Variants in ACYP2 observed in about 807,000 individuals in gnomAD.
ACYP2 encodes the protein acylphosphatase-2.
Under a neutral mutation model 11.2 loss-of-function variants are expected in ACYP2, and 12 were observed. The observed-to-expected ratio is 1.08, with a 90% CI of 0.69 to 1.74. The LOEUF (loss-of-function observed/expected upper bound fraction) is 1.74. Among genes scored for constraint, ACYP2 ranks in the 40% most tolerant of loss-of-function variants. ACYP2 has a pLI of 0.00. For missense variants in ACYP2, 134 were observed against 101.9 expected (o/e 1.31, Z -1.35); for synonymous variants, 43 against 32.2 (o/e 1.33, Z -1.13).
At chr2:54,084,280 T>A (rs1677827962) in intron 4 of ACYP2, among the ~76,000 whole-genome samples, 1 of 151,998 alleles carries the variant, frequency 6.6e-6, no homozygotes, top group Admixed American at 6.6e-5. Flanking sequence ...AGTATTCAGT[T>A]TATTTCTTTT....
intron 2 of ACYP2, among the ~76,000 whole-genome samples, chr2:54,005,245 G>C (rs908648120): frequency 1.3e-5 from 2 of 152,006 alleles, no homozygotes; most frequent in Non-Finnish European, 2.9e-5. Flanking sequence ...TGTATATCCA[G>C]TTACTCTAGC....
intron 2 of ACYP2, among the ~76,000 whole-genome samples, chr2:54,032,514 C>T (rs182955675): frequency 2.2e-4 from 33 of 152,216 alleles, no homozygotes; most frequent in Admixed American, 5.2e-4. Context: ...TACCATGCTG[C>T]TTTGGTTACT....
At chr2:54,293,582 T>G (rs1360051191) in intron 6 of ACYP2, among the ~76,000 whole-genome samples, 1 of 152,238 alleles carries the variant, frequency 6.6e-6, no homozygotes, top group African/African-American at 2.4e-5. Flanking sequence ...GTCACAGAGC[T>G]TGCTAAACAG....
chr2:54,267,438 G>A (rs1248802408), intron 6 of ACYP2: 2 of 1,355,342 alleles, frequency 1.5e-6, no homozygotes, highest in African/African-American at 1.5e-5. Flanking sequence ...GAAGGAGGGA[G>A]AAGGAATTGG....
At chr2:54,133,841 C>T in intron 4 of ACYP2, among the ~76,000 whole-genome samples, 1 of 152,112 alleles carries the variant, frequency 6.6e-6, no homozygotes, top group East Asian at 1.9e-4. Context: ...CACTCTAGGG[C>T]CCAGTTCTCT....
intron 6 of ACYP2, among the ~76,000 whole-genome samples, chr2:54,223,638 T>C (rs977169800): frequency 1.8e-4 from 27 of 152,222 alleles, no homozygotes; most frequent in Non-Finnish European, 2.9e-4. Flanking sequence ...TACTCTCTTA[T>C]CTTGCAAATT....
Position 54,135,450 on chromosome 2 carries a change from C to T in ACYP2, c.278-3C>T, listed in dbSNP as rs761650536. 5.0e-5 allele frequency: 81 copies of T among 1,607,274 alleles called. 2 individuals are homozygous for T. In the Admixed American group the frequency reaches 1.3e-3, roughly 25 times the overall value. ...CAATTCTTTTTATCTTTCTTTTATA[C>T]AGGTGTTTGCTTCAGAATGGTAAGT... On this transcript the variant is annotated splice_region_variant and splice_polypyrimidine_tract_variant and intron_variant, in intron 4 of 6. Transcript: ENST00000607452.
At chr2:54,266,754 C>CA (rs1337337915) in intron 6 of ACYP2, among the ~76,000 whole-genome samples, 1 of 151,438 alleles carries the variant, frequency 6.6e-6, no homozygotes. Flanking sequence ...TACAGGCTCC[C>CA]ACCACCACGC....
rs569334466 is a variant in ACYP2, at chr2:54,262,513, T to G, written c.405-42175T>G. The stretch of plus-strand genomic sequence containing the variant: ...TTGATACTACAGTAAATGAATAAGT[T>G]GGTTAATCATGGAAAATTGAAAATG... On this transcript the variant is annotated intron_variant, in intron 6 of 6. Coordinates refer to ENST00000607452, the MANE Select transcript of ACYP2 (RefSeq NM_001320586.2). 2.6e-5 allele frequency among the ~76,000 whole-genome samples: 4 copies of G among 152,300 alleles called. No homozygotes were observed. In the East Asian group the frequency reaches 7.7e-4, roughly 29 times the overall value.
chr2:54,016,043 T>G (rs1485807049), intron 2 of ACYP2, among the ~76,000 whole-genome samples: 1 of 152,154 alleles, frequency 6.6e-6, no homozygotes, highest in African/African-American at 2.4e-5. Flanking sequence ...CACAGTAAGA[T>G]GGACCTTACC....
intron 6 of ACYP2, among the ~76,000 whole-genome samples, chr2:54,180,522 G>A (rs2103867373): frequency 6.6e-6 from 1 of 152,266 alleles, no homozygotes; most frequent in South Asian, 2.1e-4. Flanking sequence ...TTCTATGCCA[G>A]AAATCTGTGA....
At chr2:54,117,526 C>T (rs1361000748) in intron 4 of ACYP2, among the ~76,000 whole-genome samples, 1 of 152,140 alleles carries the variant, frequency 6.6e-6, no homozygotes, top group African/African-American at 2.4e-5. Context: ...ATCCTGGCTT[C>T]AAGGGATCCT....
At chr2:54,004,556 G>A (rs1348221097) in intron 2 of ACYP2, among the ~76,000 whole-genome samples, 1 of 151,468 alleles carries the variant, frequency 6.6e-6, no homozygotes, top group Non-Finnish European at 1.5e-5. Flanking sequence ...GACTACAGGC[G>A]CCTGCAACCA....
intron 5 of ACYP2, among the ~76,000 whole-genome samples, chr2:54,137,707 T>C (rs144799812): frequency 0.023 from 3,491 of 152,324 alleles, 119 homozygotes; most frequent in African/African-American, 0.075. Context: ...GTTGATTCCA[T>C]GTCTTGGCTA....
At chr2:54,019,172 TCCTTCCA>T (rs2104544471) in intron 2 of ACYP2, among the ~76,000 whole-genome samples, 1 of 151,944 alleles carries the variant, frequency 6.6e-6, no homozygotes, top group East Asian at 1.9e-4. Flanking sequence ...GCTCAAGCAA[TCCTTCCA>T]CCTCAGCCTC....
At chr2:53,973,077 G>C (rs1452219972) in intron 1 of ACYP2, among the ~76,000 whole-genome samples, 1 of 152,148 alleles carries the variant, frequency 6.6e-6, no homozygotes, top group Admixed American at 6.6e-5. Context: ...AAAGCAGAGA[G>C]AGGAGGAGTT....
At chr2:53,998,568 A>G (rs1053374772) in intron 2 of ACYP2, among the ~76,000 whole-genome samples, 1 of 152,138 alleles carries the variant, frequency 6.6e-6, no homozygotes, top group Non-Finnish European at 1.5e-5. Flanking sequence ...TAATCCCAGC[A>G]CTTTGGGAGG....
chr2:54,147,101 T>C (rs1681931617), intron 6 of ACYP2, among the ~76,000 whole-genome samples: 1 of 152,174 alleles, frequency 6.6e-6, no homozygotes, highest in South Asian at 2.1e-4. Flanking sequence ...TGGCTGCTTT[T>C]TGCATTGTTT....
chr2:54,225,265 G>A (rs1322932125), intron 6 of ACYP2, among the ~76,000 whole-genome samples: 3 of 152,166 alleles, frequency 2.0e-5, no homozygotes, highest in Non-Finnish European at 4.4e-5. Flanking sequence ...CAGGCTGGGT[G>A]GAGCATGGTT....
Sources: gnomAD v4.1 joint callset for allele counts (sites outside exome capture counted in the v4.1 genomes callset) on GRCh38, gnomAD v4.1.1 for gene constraint, MANE v1.5 for transcripts, NCBI Gene and HGNC (gene_info 2026-07-23, HGNC 2026-07-21) for gene names.